RSF1: variants seen among roughly 807,000 people sequenced by gnomAD.
RSF1 encodes the protein HBV pX-associated protein 8.
In RSF1, 13 loss-of-function variants were observed where a neutral mutation model predicts 145.2. The observed-to-expected ratio is 0.09, with a 90% CI of 0.06 to 0.14. The LOEUF (loss-of-function observed/expected upper bound fraction) is 0.14. RSF1 is among the 10% of genes least tolerant of loss of function. The probability of loss-of-function intolerance (pLI) is 1.00; values close to 1 mark genes in which losing one functional copy is unlikely to be tolerated. For missense variants in RSF1, 1,517 were observed against 1,718.2 expected, an observed-to-expected ratio of 0.88 and a Z score of 2.07; for synonymous variants, 577 against 592.6, an observed-to-expected ratio of 0.97 and a Z score of 0.38.
intron 4 of RSF1, among the ~76,000 whole-genome samples, chr11:77,729,890 G>T: frequency 4.1e-5 from 1 of 24,342 alleles, no homozygotes; most frequent in South Asian, 8.8e-4. Context: ...AAATTATTCA[G>T]TAGGCAAAAA....
At chr11:77,866,955 C>T in the RSF1 span, among the ~76,000 whole-genome samples, 2 of 152,070 alleles carry the variant, frequency 1.3e-5, no homozygotes, top group South Asian at 2.1e-4. Context: ...ATTCTCCTGC[C>T]TCAGCCTCCT....
the RSF1 span, chr11:77,872,186 A>C: frequency 1.6e-5 from 25 of 1,612,870 alleles, no homozygotes; most frequent in Non-Finnish European, 2.0e-5. Context: ...TGCCTTCATC[A>C]ACTGTGGAGT....
At position 77,672,831 on chromosome 11, in the gene RSF1, C is replaced by T. The variant is rs887174322; in HGVS notation, c.3563-601G>A. On this transcript the variant is annotated intron_variant, in intron 14 of 15. Transcript: ENST00000308488. ...CCGAGTAGCTGGGACTACAGGTACC[C>T]GCCACCACATCTGGCTAATTTTTGT... 3.0e-4 allele frequency among the ~76,000 whole-genome samples: 46 copies of T among 152,166 alleles called. No homozygotes were observed. In the East Asian group the frequency reaches 8.7e-3, roughly 29 times the overall value.
chr11:77,778,271 T>TGCA (rs1948368584), intron 1 of RSF1, among the ~76,000 whole-genome samples: 1 of 16,400 alleles, frequency 6.1e-5, no homozygotes, highest in Non-Finnish European at 1.1e-4. Context: ...GGGGAGAGGA[T>TGCA]GGGGGAGGGG....
intron 5 of RSF1, among the ~76,000 whole-genome samples, chr11:77,714,278 C>A (rs2135871222): frequency 6.6e-6 from 1 of 152,238 alleles, no homozygotes; most frequent in South Asian, 2.1e-4. Flanking sequence ...TCTTTAAGAC[C>A]TTTGTTGTAG....
At chr11:77,780,699 C>T (rs1948393536) in intron 1 of RSF1, among the ~76,000 whole-genome samples, 1 of 152,058 alleles carries the variant, frequency 6.6e-6, no homozygotes, top group African/African-American at 2.4e-5. Context: ...GTGGCACATG[C>T]TGGTAGTCCC....
At chr11:77,781,522 C>A (rs1948404276) in intron 1 of RSF1, among the ~76,000 whole-genome samples, 1 of 152,194 alleles carries the variant, frequency 6.6e-6, no homozygotes. Flanking sequence ...GTGGTAGAGA[C>A]AGGTTTAACC....
At chr11:77,731,167 T>G (rs185066578) in intron 4 of RSF1, among the ~76,000 whole-genome samples, 1 of 152,154 alleles carries the variant, frequency 6.6e-6, no homozygotes, top group East Asian at 1.9e-4. Flanking sequence ...TGAGGTAGTC[T>G]CAGAATGAGA....
intron 1 of RSF1, among the ~76,000 whole-genome samples, chr11:77,787,361 C>T (rs1948467319): frequency 6.6e-6 from 1 of 151,968 alleles, no homozygotes; most frequent in East Asian, 1.9e-4. Context: ...ATGACTTTTA[C>T]ATTATTAAAT....
At chr11:77,812,844 C>T (rs1049978520) in intron 1 of RSF1, among the ~76,000 whole-genome samples, 5 of 145,112 alleles carry the variant, frequency 3.4e-5, no homozygotes, top group Non-Finnish European at 5.9e-5. Flanking sequence ...GAGCTGGGAT[C>T]GCACTACTAC....
intron 1 of RSF1, among the ~76,000 whole-genome samples, chr11:77,814,914 C>A (rs1948767778): frequency 6.6e-6 from 1 of 152,156 alleles, no homozygotes; most frequent in Non-Finnish European, 1.5e-5. Flanking sequence ...TCAGTGCCTC[C>A]TTTCTTCCTA....
chr11:77,773,745 G>C (rs139539844), intron 1 of RSF1, among the ~76,000 whole-genome samples: 3 of 152,124 alleles, frequency 2.0e-5, no homozygotes, highest in Non-Finnish European at 2.9e-5. Flanking sequence ...AAACTGCCCA[G>C]TTACCCCTCA....
intron 1 of RSF1, among the ~76,000 whole-genome samples, chr11:77,794,495 C>A (rs1241734354): frequency 6.6e-6 from 1 of 150,818 alleles, no homozygotes; most frequent in East Asian, 1.9e-4. Context: ...CAAGCCCGGG[C>A]AAAATAGTGA....
chr11:77,724,317 T>C (rs1420639156), intron 5 of RSF1, among the ~76,000 whole-genome samples: 6 of 152,154 alleles, frequency 3.9e-5, no homozygotes, highest in Non-Finnish European at 7.3e-5. Flanking sequence ...AAACAGTATG[T>C]GCTTCCTCAA....
chr11:77,766,268 A>G (rs979691449), intron 1 of RSF1, among the ~76,000 whole-genome samples: 1 of 152,192 alleles, frequency 6.6e-6, no homozygotes. Context: ...TTGATCCACT[A>G]TCTTGTAGGA....
chr11:77,688,206 C>T (rs897611895), intron 9 of RSF1, among the ~76,000 whole-genome samples: 10 of 152,148 alleles, frequency 6.6e-5, no homozygotes, highest in African/African-American at 2.2e-4. Flanking sequence ...GCAGAAGAAT[C>T]GCTTGAACCC....
At chr11:77,734,307 T>TG (rs1565163878) in intron 4 of RSF1, among the ~76,000 whole-genome samples, 2 of 140,666 alleles carry the variant, frequency 1.4e-5, no homozygotes, top group African/African-American at 5.7e-5. Context: ...ATTACTTTTT[T>TG]TGGGGGGGGG....
chr11:77,720,233 C>G (rs1019505393), intron 5 of RSF1, among the ~76,000 whole-genome samples: 11 of 152,190 alleles, frequency 7.2e-5, no homozygotes, highest in African/African-American at 2.6e-4. Flanking sequence ...CAAGTGATAT[C>G]TTATCTGATC....
chr11:77,836,749 T>G, the RSF1 span, among the ~76,000 whole-genome samples: 8 of 152,336 alleles, frequency 5.3e-5, no homozygotes, highest in African/African-American at 1.4e-4. Context: ...GTGGATCGCC[T>G]GAGGCTGGGA....
Sources: allele counts gnomAD v4.1 joint callset (sites outside exome capture counted in the v4.1 genomes callset), GRCh38; gene constraint gnomAD v4.1.1; transcripts MANE v1.5; gene names NCBI Gene and HGNC (gene_info 2026-07-23, HGNC 2026-07-21).